STK32B: variants seen among roughly 807,000 people sequenced by gnomAD.
STK32B encodes serine/threonine-protein kinase 32B.
In STK32B, 43 loss-of-function variants were observed where a neutral mutation model predicts 52.6. The observed-to-expected ratio is 0.82, with a 90% CI of 0.64 to 1.05. The LOEUF (loss-of-function observed/expected upper bound fraction) is 1.05, where lower values mean the gene tolerates loss of function less well. Among genes scored for constraint, STK32B ranks in the 50% least tolerant of loss-of-function variants. STK32B has a pLI of 0.00. For synonymous variants in STK32B, 238 were observed against 204.3 expected, an observed-to-expected ratio of 1.17 and a Z score of -1.41; for missense variants, 621 against 534.6, an observed-to-expected ratio of 1.16 and a Z score of -1.59.
rs190582510 is a variant in STK32B at position 5,346,044 on chromosome 4, C to T, written c.434+14651C>T. 2.6e-5 allele frequency among the ~76,000 whole-genome samples: 4 copies of T among 152,272 alleles called. No homozygotes were observed. In the East Asian group the frequency reaches 7.7e-4, roughly 29 times the overall value. Reference sequence around the variant, plus strand: ...TGTGGGTGTATGGTTGTTATTTTCACATACAGATTTTGAGCTTGTGCCTCC... The same window carrying T: ...TGTGGGTGTATGGTTGTTATTTTCATATACAGATTTTGAGCTTGTGCCTCC... On this transcript the variant is annotated intron_variant, in intron 4 of 11. Coordinates refer to ENST00000282908, the MANE Select transcript of STK32B (RefSeq NM_018401.3).
rs566064436 is a variant in STK32B at position 5,372,794 on chromosome 4, G to A, written c.435-25413G>A. Among the ~76,000 whole-genome samples the A allele has an allele frequency of 4.6e-5, 7 of 151,286 alleles. No individual in the cohort carries two copies. In the East Asian group the frequency reaches 1.4e-3, roughly 30 times the overall value. ...TGCCACGCATCAGTATTTCTTTCTT[G>A]AATTCAGATTGATTTTTGCAAGGGA... On this transcript the variant is annotated intron_variant, in intron 4 of 11. Transcript: ENST00000282908.
chr4:5,269,336 G>A (rs1315305775), intron 3 of STK32B, among the ~76,000 whole-genome samples: 2 of 152,096 alleles, frequency 1.3e-5, no homozygotes, highest in Admixed American at 1.3e-4. Context: ...AGGAATGGGG[G>A]GTACTAAGCT....
chr4:5,066,297 A>G (rs377511763), intron 1 of STK32B, among the ~76,000 whole-genome samples: 1 of 152,128 alleles, frequency 6.6e-6, no homozygotes, highest in Non-Finnish European at 1.5e-5. Context: ...TAAATAGCTC[A>G]CAAATCTGCC....
chr4:5,327,530 G>A (rs1177925413), intron 3 of STK32B, among the ~76,000 whole-genome samples: 1 of 151,722 alleles, frequency 6.6e-6, no homozygotes, highest in African/African-American at 2.4e-5. Flanking sequence ...TGAGCTCTTG[G>A]GTGACTAAGA....
chr4:5,270,634 C>T (rs1727362931), intron 3 of STK32B, among the ~76,000 whole-genome samples: 2 of 152,100 alleles, frequency 1.3e-5, no homozygotes, highest in African/African-American at 2.4e-5. Context: ...ATGCATTCCC[C>T]CTGAGATCTG....
chr4:5,406,261 G>T (rs1737657860), intron 5 of STK32B, among the ~76,000 whole-genome samples: 1 of 152,186 alleles, frequency 6.6e-6, no homozygotes, highest in Non-Finnish European at 1.5e-5. Flanking sequence ...GGGCATCTCT[G>T]CCCGTGTTGC....
At chr4:5,454,745 A>T (rs367867685) in intron 7 of STK32B, among the ~76,000 whole-genome samples, 25 of 152,282 alleles carry the variant, frequency 1.6e-4, no homozygotes, top group African/African-American at 4.1e-4. Flanking sequence ...AACAGTCACC[A>T]GCTCATAAAG....
At chr4:5,045,915 T>C in the STK32B span, among the ~76,000 whole-genome samples, 1 of 152,216 alleles carries the variant, frequency 6.6e-6, no homozygotes, top group East Asian at 1.9e-4. Context: ...TCTTGCCTGA[T>C]TGCCCTGGCC....
intron 3 of STK32B, among the ~76,000 whole-genome samples, chr4:5,269,104 G>A (rs1448374371): frequency 5.9e-5 from 9 of 152,164 alleles, no homozygotes; most frequent in Non-Finnish European, 8.8e-5. Flanking sequence ...ATAGATCAGT[G>A]TACCAGAGAG....
chr4:5,258,501 G>A (rs7657305), intron 3 of STK32B, among the ~76,000 whole-genome samples: 17,871 of 152,110 alleles, frequency 0.12, 2,867 homozygotes, highest in African/African-American at 0.36. Context: ...CAAGCGTTCC[G>A]TGCATAAAGC....
chr4:5,228,282 G>A (rs1724009005), intron 3 of STK32B, among the ~76,000 whole-genome samples: 2 of 152,126 alleles, frequency 1.3e-5, no homozygotes, highest in South Asian at 2.1e-4. Context: ...TACAATGAGC[G>A]ATTGAGTCAG....
At chr4:5,426,372 G>A (rs1234496781) in intron 6 of STK32B, among the ~76,000 whole-genome samples, 1 of 152,048 alleles carries the variant, frequency 6.6e-6, no homozygotes. Flanking sequence ...TATATTTTCT[G>A]TGTGGAATAT....
chr4:5,125,320 G>T (rs183441781), intron 1 of STK32B, among the ~76,000 whole-genome samples: 4 of 152,198 alleles, frequency 2.6e-5, no homozygotes, highest in Non-Finnish European at 5.9e-5. Flanking sequence ...CTGAATTTTT[G>T]ATCATTTATT....
At chr4:5,147,382 A>C (rs1341165275) in intron 2 of STK32B, among the ~76,000 whole-genome samples, 2 of 152,162 alleles carry the variant, frequency 1.3e-5, no homozygotes, top group Admixed American at 1.3e-4. Flanking sequence ...ATTTGCTAAT[A>C]AAAGTAGTTT....
intron 1 of STK32B, among the ~76,000 whole-genome samples, chr4:5,059,746 T>C (rs1241058109): frequency 6.6e-6 from 1 of 152,194 alleles, no homozygotes; most frequent in Non-Finnish European, 1.5e-5. Context: ...AAATCTGTAA[T>C]AAAACTTTCC....
chr4:5,412,743 T>C (rs1428829272), intron 5 of STK32B, among the ~76,000 whole-genome samples: 1 of 152,212 alleles, frequency 6.6e-6, no homozygotes, highest in African/African-American at 2.4e-5. Flanking sequence ...GCACCAGTTA[T>C]TAACCCTAAA....
At chr4:5,301,986 G>GT (rs151163299) in intron 3 of STK32B, among the ~76,000 whole-genome samples, 212 of 150,742 alleles carry the variant, frequency 1.4e-3, no homozygotes, top group African/African-American at 4.7e-3. Context: ...ATGTCTTGTG[G>GT]TTTTTCCCCC....
At chr4:5,272,475 T>A (rs1392075919) in intron 3 of STK32B, among the ~76,000 whole-genome samples, 5 of 146,044 alleles carry the variant, frequency 3.4e-5, no homozygotes, top group African/African-American at 1.3e-4. Context: ...TCTTTTTTGG[T>A]TGTGTCTCTG....
chr4:5,028,578 C>G, the STK32B span, among the ~76,000 whole-genome samples: 1 of 152,214 alleles, frequency 6.6e-6, no homozygotes, highest in East Asian at 1.9e-4. Flanking sequence ...ATGGGACCAC[C>G]CAAGTTTTGC....
Sources: allele counts gnomAD v4.1 joint callset (sites outside exome capture counted in the v4.1 genomes callset), GRCh38; gene constraint gnomAD v4.1.1; transcripts MANE v1.5; gene names NCBI Gene and HGNC (gene_info 2026-07-23, HGNC 2026-07-21).